The following ZHX2 variants were observed in gnomAD, a reference collection of about 807,000 sequenced individuals.
ZHX2 encodes the protein zinc fingers and homeoboxes 2.
ZHX2 carries 6 observed loss-of-function variants against 21.9 expected under a neutral mutation model. The observed-to-expected ratio is 0.27, with a 90% CI of 0.15 to 0.54. The LOEUF is 0.54. ZHX2 is among the 20% of genes least tolerant of loss of function. The probability of loss-of-function intolerance (pLI) is 0.95; values close to 1 mark genes in which losing one functional copy is unlikely to be tolerated. For synonymous variants in ZHX2, 434 were observed against 437.1 expected (o/e 0.99, Z 0.09); for missense variants, 908 against 1,090.7 (o/e 0.83, Z 2.36).
intron 1 of ZHX2, among the ~76,000 whole-genome samples, chr8:122,797,125 G>A (rs190934523): frequency 1.3e-5 from 2 of 152,310 alleles, no homozygotes; most frequent in African/African-American, 4.8e-5. Context: ...GCTAAGCTAT[G>A]ATACAGTGAC....
At chr8:122,924,407 C>T (rs1425721200) in intron 2 of ZHX2, among the ~76,000 whole-genome samples, 1 of 152,164 alleles carries the variant, frequency 6.6e-6, no homozygotes, top group African/African-American at 2.4e-5. Context: ...ATGCCAGTGA[C>T]CTCATGTTAA....
intron 1 of ZHX2, among the ~76,000 whole-genome samples, chr8:122,833,260 T>C (rs1397084941): frequency 6.6e-6 from 1 of 152,198 alleles, no homozygotes; most frequent in Non-Finnish European, 1.5e-5. Flanking sequence ...CCTGGGGTCC[T>C]GGACTAAGCA....
chr8:122,815,533 TGA>T (rs1249448220), intron 1 of ZHX2: 1 of 156,332 alleles, frequency 6.4e-6, no homozygotes, highest in East Asian at 1.8e-4. Flanking sequence ...TTGCTTCTTA[TGA>T]ATAAGCAAAG....
chr8:122,879,192 T>G (rs1007705682), intron 2 of ZHX2, among the ~76,000 whole-genome samples: 3 of 151,400 alleles, frequency 2.0e-5, no homozygotes, highest in Admixed American at 2.0e-4. Context: ...GGCCTAAGGG[T>G]TTTTTTTGTC....
intron 2 of ZHX2, among the ~76,000 whole-genome samples, chr8:122,927,276 C>G (rs1432471876): frequency 6.6e-6 from 1 of 152,198 alleles, no homozygotes; most frequent in Non-Finnish European, 1.5e-5. Flanking sequence ...AGGCAGATCA[C>G]TTGAGGTCAG....
chr8:122,947,500 C>T (rs576323093), intron 2 of ZHX2, among the ~76,000 whole-genome samples: 13 of 152,294 alleles, frequency 8.5e-5, no homozygotes, highest in African/African-American at 2.6e-4. Context: ...CCATATTGGG[C>T]AGAATGGTTC....
intron 1 of ZHX2, among the ~76,000 whole-genome samples, chr8:122,815,985 C>G (rs1818023929): frequency 6.8e-6 from 1 of 147,808 alleles, no homozygotes; most frequent in African/African-American, 2.5e-5. Context: ...GAGGCTGAGG[C>G]AGGAAAATCA....
In ZHX2 at chr8:122,875,132, TATATATATA is replaced by T. The variant is rs1819534726; in HGVS notation, c.-220+11594_-220+11602del. Among the ~76,000 whole-genome samples the T allele has an allele frequency of 1.3e-3, 130 of 96,738 alleles. 16 individuals are homozygous for T. Among genetic ancestry groups the T allele is most frequent in the African/African-American group, 2.9e-3 (71 of 24,216 alleles). The allele number at this position is 96,738 out of a possible 152,430, so 63.5% of individuals were successfully genotyped here. The stretch of plus-strand genomic sequence containing the variant: ...TTTTAGAGGAAGGAAAACTCTGTTA[TATATATATA>T]TATATATATATATATATATATATAT... On this transcript the variant is annotated intron_variant, in intron 2 of 3. Coordinates refer to ENST00000314393, the MANE Select transcript of ZHX2 (RefSeq NM_014943.5).
intron 1 of ZHX2, among the ~76,000 whole-genome samples, chr8:122,787,088 G>GGTGTGTGTGTGTGTGT (rs35726514): frequency 1.1e-4 from 16 of 148,558 alleles, no homozygotes; most frequent in African/African-American, 2.2e-4. Context: ...GATTGGCAGT[G>GGTGTGTGTGTGTGTGT]GTGTGTGTGT....
chr8:122,794,141 A>G (rs997640405), intron 1 of ZHX2, among the ~76,000 whole-genome samples: 3 of 152,132 alleles, frequency 2.0e-5, no homozygotes, highest in African/African-American at 7.2e-5. Context: ...TGCTCAATTA[A>G]TAGTTGTTAT....
At chr8:122,833,898 G>A (rs933081044) in intron 1 of ZHX2, among the ~76,000 whole-genome samples, 1 of 152,114 alleles carries the variant, frequency 6.6e-6, no homozygotes, top group Admixed American at 6.5e-5. Flanking sequence ...TCGGGAGGCT[G>A]AGGCAGGAGA....
At chr8:122,805,572 C>T (rs1221653431) in intron 1 of ZHX2, among the ~76,000 whole-genome samples, 1 of 152,262 alleles carries the variant, frequency 6.6e-6, no homozygotes, top group African/African-American at 2.4e-5. Context: ...TTTTAAAAGT[C>T]GTCAGTCCCA....
chr8:122,805,897 C>G (rs75418018), intron 1 of ZHX2, among the ~76,000 whole-genome samples: 2,573 of 152,264 alleles, frequency 0.017, 40 homozygotes, highest in South Asian at 0.063. Context: ...TCTCTCTTTC[C>G]CTCTTCCCTC....
intron 2 of ZHX2, among the ~76,000 whole-genome samples, chr8:122,878,585 A>C (rs1006738674): frequency 1.1e-4 from 17 of 152,188 alleles, no homozygotes; most frequent in African/African-American, 4.1e-4. Context: ...GCAGAAAGGT[A>C]CAAGAGCTTT....
At chr8:122,788,919 C>G (rs963651622) in intron 1 of ZHX2, among the ~76,000 whole-genome samples, 2 of 152,196 alleles carry the variant, frequency 1.3e-5, no homozygotes. Flanking sequence ...TACAGCTCCC[C>G]CAAACCACCC....
intron 3 of ZHX2, among the ~76,000 whole-genome samples, chr8:122,964,112 T>G (rs751200775): frequency 3.3e-5 from 5 of 152,136 alleles, no homozygotes; most frequent in Non-Finnish European, 5.9e-5. Flanking sequence ...CAGTCTGACT[T>G]CCTTAACTTG....
intron 3 of ZHX2, among the ~76,000 whole-genome samples, chr8:122,970,204 C>T (rs1451532276): frequency 1.3e-5 from 2 of 152,124 alleles, no homozygotes; most frequent in Non-Finnish European, 2.9e-5. Flanking sequence ...TGAGAGAAGC[C>T]CAGGGGAGTT....
At chr8:122,940,127 C>G (rs775278090) in intron 2 of ZHX2, among the ~76,000 whole-genome samples, 14 of 152,140 alleles carry the variant, frequency 9.2e-5, no homozygotes, top group Non-Finnish European at 1.9e-4. Context: ...GAGATGGGCA[C>G]TAAGGCTGTG....
intron 2 of ZHX2, among the ~76,000 whole-genome samples, chr8:122,917,055 C>T (rs916583361): frequency 3.9e-5 from 6 of 152,298 alleles, no homozygotes; most frequent in African/African-American, 1.4e-4. Context: ...CAGCCAGTGA[C>T]GTCCTCCCTG....
Sources: allele counts gnomAD v4.1 joint callset (sites outside exome capture counted in the v4.1 genomes callset), GRCh38; gene constraint gnomAD v4.1.1; transcripts MANE v1.5; gene names NCBI Gene and HGNC (gene_info 2026-07-23, HGNC 2026-07-21).